The following GABRG1 variants were observed in gnomAD, a reference collection of about 807,000 sequenced individuals.
GABRG1 encodes the protein gamma-aminobutyric acid type A receptor subunit gamma1.
GABRG1 carries 49 observed loss-of-function variants against 49.8 expected under a neutral mutation model. The ratio of observed to expected loss-of-function variants is 0.98; its 90% CI spans 0.78 to 1.25. The LOEUF is 1.25. GABRG1 is among the 50% of genes most tolerant of loss of function. The pLI, the probability that GABRG1 is intolerant of heterozygous loss-of-function variation, is 0.00. For missense variants in GABRG1, 552 were observed against 552.3 expected (o/e 1.00, Z 0.01); for synonymous variants, 232 against 185.1 (o/e 1.25, Z -2.06).
intron 5 of GABRG1, among the ~76,000 whole-genome samples, chr4:46,061,316 C>A (rs1181366674): frequency 6.6e-6 from 1 of 151,502 alleles, no homozygotes. Flanking sequence ...GAGACAAAAT[C>A]ATTAAGAAAA....
Position 46,058,568 on chromosome 4 carries a change from A to G in GABRG1, c.680T>C (p.Val227Ala). 1 of 1,612,922 alleles carries G rather than the reference A, an allele frequency of 6.2e-7. No individual in the cohort carries two copies. Among genetic ancestry groups the G allele is most frequent in the Non-Finnish European group, 8.5e-7 (1 of 1,179,262 alleles). Residue 227 changes from valine (V) to alanine (A), a missense_variant, in exon 6 of 9, where the codon GTG becomes GCG. Transcript: ENST00000295452. Reference protein sequence around the residue: ...EYKWKKPSVEVADPKYWRLYQ... With the variant: ...EYKWKKPSVEAADPKYWRLYQ... ...TAATCTCCAGTATTTAGGATCAGCCACTTCTACGGAGGGCTTTTTCCACTT... is the reference window on the plus strand; with the variant it reads ...TAATCTCCAGTATTTAGGATCAGCCGCTTCTACGGAGGGCTTTTTCCACTT...
At chr4:46,087,691 T>C (rs2173246) in intron 2 of GABRG1, among the ~76,000 whole-genome samples, 8,986 of 151,936 alleles carry the variant, frequency 0.059, 459 homozygotes, top group African/African-American at 0.13. Context: ...ATACCACATA[T>C]AGACTTTGAA....
intron 1 of GABRG1, among the ~76,000 whole-genome samples, chr4:46,110,474 G>A (rs1176504189): frequency 6.6e-6 from 1 of 150,746 alleles, no homozygotes; most frequent in African/African-American, 2.4e-5. Flanking sequence ...CTGCCACTCT[G>A]TGCCTTTTAA....
chr4:46,048,817 C>T (rs1004501991), intron 8 of GABRG1, among the ~76,000 whole-genome samples: 9 of 151,806 alleles, frequency 5.9e-5, no homozygotes, highest in Non-Finnish European at 1.2e-4. Flanking sequence ...TAAGTTAAAA[C>T]GGGTGTTTAT....
chr4:46,117,612 C>CTATATA (rs1192602783), intron 1 of GABRG1, among the ~76,000 whole-genome samples: 2 of 140,144 alleles, frequency 1.4e-5, no homozygotes, highest in African/African-American at 2.6e-5. Flanking sequence ...CTCTCTCTCT[C>CTATATA]TATATATATA....
rs1717660367 is a variant in GABRG1, at chr4:46,039,236, G to A, written c.*1752C>T. Reference sequence around the variant, plus strand: ...ATATAGATGGCCAAAGTTTAGTTTGGCTGTTCATTCAAGAAAAGCAGTGTC... The same window carrying A: ...ATATAGATGGCCAAAGTTTAGTTTGACTGTTCATTCAAGAAAAGCAGTGTC... On this transcript the variant is annotated 3_prime_UTR_variant, in exon 9 of 9. Coordinates refer to ENST00000295452, the MANE Select transcript of GABRG1 (RefSeq NM_173536.4). The A allele has an allele frequency of 6.6e-6, 1 of 151,220 alleles. No individual in the cohort carries two copies. Among genetic ancestry groups the A allele is most frequent in the East Asian group, 1.9e-4 (1 of 5,146 alleles). The allele number at this position is 151,220 out of a possible 1,614,324, so 9.4% of individuals were successfully genotyped here. A position where few individuals can be genotyped will look rare whatever the true frequency, so the allele number is the denominator to read the frequency against.
chr4:46,123,963 G>A lies in GABRG1; in HGVS notation c.-50C>T, dbSNP rs780702204. 1 of 1,417,622 alleles carries A rather than the reference G, an allele frequency of 7.1e-7. No individual in the cohort carries two copies. Among genetic ancestry groups the A allele is most frequent in the Non-Finnish European group, 9.9e-7 (1 of 1,005,322 alleles). 87.8% of individuals were successfully genotyped at this position (1,417,622 alleles called of 1,614,324 possible). ...GCACTAGCTCAATTCTCCCAGCCAG[G>A]ACTTTTCCTCCCACCTCAGCAGCAG... On this transcript the variant is annotated 5_prime_UTR_variant, in exon 1 of 9. Transcript: ENST00000295452.
chr4:46,078,774 G>A (rs567323699), intron 3 of GABRG1, among the ~76,000 whole-genome samples: 1 of 151,700 alleles, frequency 6.6e-6, no homozygotes, highest in East Asian at 1.9e-4. Context: ...CATAGATTTT[G>A]GTCAAATATT....
At chr4:46,044,268 T>C (rs1717902011) in intron 8 of GABRG1, among the ~76,000 whole-genome samples, 1 of 151,788 alleles carries the variant, frequency 6.6e-6, no homozygotes, top group Admixed American at 6.6e-5. Flanking sequence ...AGCCCAGGAG[T>C]TTGAGACCAG....
At chr4:46,081,552 C>T (rs997534937) in intron 3 of GABRG1, among the ~76,000 whole-genome samples, 3 of 151,544 alleles carry the variant, frequency 2.0e-5, no homozygotes, top group Non-Finnish European at 2.9e-5. Context: ...AACTGTTAGG[C>T]ATATTATAAA....
At chr4:46,110,302 A>T (rs1720675327) in intron 1 of GABRG1, among the ~76,000 whole-genome samples, 2 of 150,976 alleles carry the variant, frequency 1.3e-5, no homozygotes, top group South Asian at 2.1e-4. Flanking sequence ...TGATGGTTTA[A>T]TGTCATTTTA....
intron 8 of GABRG1, among the ~76,000 whole-genome samples, chr4:46,041,844 A>T (rs13120271): frequency 0.5 from 76,421 of 151,702 alleles, 19,816 homozygotes; most frequent in African/African-American, 0.62. Flanking sequence ...ATCTGTCTTC[A>T]TAGCTGGAAT....
In GABRG1 at chr4:46,056,150, T is replaced by TA. The variant is rs1491407033; in HGVS notation, c.916+2066_916+2067insT. 9.8e-3 allele frequency among the ~76,000 whole-genome samples: 453 copies of TA among 46,044 alleles called. 111 individuals are homozygous for TA. Among genetic ancestry groups the TA allele is most frequent in the East Asian group, 0.028 (29 of 1,050 alleles). 30.2% of individuals were successfully genotyped at this position (46,044 alleles called of 152,430 possible). A position where few individuals can be genotyped will look rare whatever the true frequency, so the allele number is the denominator to read the frequency against. Reference sequence around the variant, plus strand: ...AAAAAAAAAAAAATAAATAAATAAATTAAAAAAAAAAAAAAAAAAAAAAAA... The same window carrying TA: ...AAAAAAAAAAAAATAAATAAATAAATATAAAAAAAAAAAAAAAAAAAAAAAA... On this transcript the variant is annotated intron_variant, in intron 7 of 8. Coordinates refer to ENST00000295452, the MANE Select transcript of GABRG1 (RefSeq NM_173536.4).
At chr4:46,080,483 T>G (rs1719522908) in intron 3 of GABRG1, among the ~76,000 whole-genome samples, 1 of 151,852 alleles carries the variant, frequency 6.6e-6, no homozygotes, top group Non-Finnish European at 1.5e-5. Context: ...TTTGTTTATT[T>G]TCACCTGTTT....
intron 2 of GABRG1, among the ~76,000 whole-genome samples, chr4:46,094,102 G>T (rs1237560016): frequency 1.3e-5 from 2 of 151,754 alleles, no homozygotes; most frequent in Non-Finnish European, 2.9e-5. Flanking sequence ...GAAATAAATC[G>T]TAAAAGTCTA....
intron 8 of GABRG1, among the ~76,000 whole-genome samples, chr4:46,043,229 G>C (rs1055800315): frequency 6.6e-6 from 1 of 151,888 alleles, no homozygotes; most frequent in Non-Finnish European, 1.5e-5. Flanking sequence ...TGAGAGAAAT[G>C]ATTAAATTTT....
intron 1 of GABRG1, 105 bp from the exon 2 acceptor site, chr4:46,097,454 G>T: frequency 9.2e-7 from 1 of 1,085,850 alleles, no homozygotes; most frequent in Non-Finnish European, 1.3e-6. Context: ...AATAATGGCA[G>T]ACAAAAAGGT....
intron 7 of GABRG1, among the ~76,000 whole-genome samples, chr4:46,057,240 T>A (rs1361972031): frequency 2.6e-5 from 4 of 152,118 alleles, no homozygotes; most frequent in Non-Finnish European, 5.9e-5. Context: ...GAACTTCAAG[T>A]ATAGACCCAT....
chr4:46,060,529 G>A (rs1718633191), intron 5 of GABRG1, among the ~76,000 whole-genome samples: 1 of 152,046 alleles, frequency 6.6e-6, no homozygotes, highest in African/African-American at 2.4e-5. Context: ...ACATGTTTTA[G>A]AATATTTTAA....
Sources: gnomAD v4.1 joint callset for allele counts (sites outside exome capture counted in the v4.1 genomes callset) on GRCh38, gnomAD v4.1.1 for gene constraint, MANE v1.5 for transcripts, NCBI Gene and HGNC (gene_info 2026-07-23, HGNC 2026-07-21) for gene names.